CPEB1: variants seen among roughly 807,000 people sequenced by gnomAD.
The protein encoded by CPEB1 is cytoplasmic polyadenylation element binding protein 1.
Under a neutral mutation model 65.8 loss-of-function variants are expected in CPEB1, and 7 were observed. That is an observed-to-expected ratio of 0.11 (90% CI 0.06 to 0.20). CPEB1 has a LOEUF of 0.20. CPEB1 is among the 10% of genes least tolerant of loss of function. CPEB1 has a pLI of 1.00. For missense variants in CPEB1, 551 were observed against 712.2 expected (o/e 0.77, Z 2.58); for synonymous variants, 262 against 260.0 (o/e 1.01, Z -0.08).
chr15:82,557,667 G>T, intron 5 of CPEB1, 93 bp downstream of exon 5: 5 of 1,044,738 alleles, frequency 4.8e-6, no homozygotes, highest in South Asian at 4.4e-5. Flanking sequence ...CATTCCAGGG[G>T]ACAGGCATCC....
chr15:82,558,104 G>GCC, intron 4 of CPEB1, 118 bp from the exon 5 acceptor site: 1 of 680,728 alleles, frequency 1.5e-6, no homozygotes, highest in Non-Finnish European at 2.5e-6. Flanking sequence ...CTAAAAGCAT[G>GCC]CCAGCAAAAC....
intron 3 of CPEB1, among the ~76,000 whole-genome samples, chr15:82,609,517 T>C (rs755322321): frequency 1.1e-4 from 16 of 146,804 alleles, no homozygotes; most frequent in Non-Finnish European, 2.3e-4. Context: ...AAAAAAATAA[T>C]AACAATAGTA....
At chr15:82,551,224 C>G (rs993044173) in intron 9 of CPEB1, among the ~76,000 whole-genome samples, 1 of 152,148 alleles carries the variant, frequency 6.6e-6, no homozygotes, top group Non-Finnish European at 1.5e-5. Context: ...TCTAATGTGA[C>G]CATCCCAATA....
intron 3 of CPEB1, among the ~76,000 whole-genome samples, chr15:82,580,502 C>A: frequency 6.6e-6 from 1 of 152,130 alleles, no homozygotes; most frequent in South Asian, 2.1e-4. Context: ...GTACCCTGTA[C>A]TAAAAATTTT....
intron 10 of CPEB1, among the ~76,000 whole-genome samples, 159 bp from the exon 11 acceptor site, chr15:82,547,396 A>C (rs956670185): frequency 7.2e-6 from 1 of 138,692 alleles, no homozygotes; most frequent in African/African-American, 2.8e-5. Flanking sequence ...TCCCGGTTTC[A>C]CGCCATTCTC....
chr15:82,554,917 G>A (rs141903711), intron 6 of CPEB1, among the ~76,000 whole-genome samples: 2,687 of 152,296 alleles, frequency 0.018, 31 homozygotes, highest in Non-Finnish European at 0.025. Flanking sequence ...GGAAAACAAT[G>A]GCACCAGAGA....
At chr15:82,625,388 C>T (rs2045671215) in intron 3 of CPEB1, among the ~76,000 whole-genome samples, 1 of 152,090 alleles carries the variant, frequency 6.6e-6, no homozygotes, top group African/African-American at 2.4e-5. Context: ...TATGCCTCTC[C>T]CTCAAACATT....
In CPEB1 at chr15:82,543,277, C is replaced by G. The variant is rs1364821666; in HGVS notation, c.*1315G>C. 6.6e-6 allele frequency: 1 copy of G among 152,504 alleles called. No individual in the cohort carries two copies. Among genetic ancestry groups the G allele is most frequent in the Non-Finnish European group, 1.5e-5 (1 of 68,008 alleles). The allele number at this position is 152,504 out of a possible 1,614,324, so 9.4% of individuals were successfully genotyped here. A position where few individuals can be genotyped will look rare whatever the true frequency, so the allele number is the denominator to read the frequency against. On this transcript the variant is annotated 3_prime_UTR_variant, in exon 13 of 13. Coordinates refer to ENST00000684509, the MANE Select transcript of CPEB1 (RefSeq NM_001365242.1). ...CCACACATCTGTAGGAGAGTGCAGT[C>G]TTGCCTGCATATACTACAATGAGGT... is the stretch of plus-strand genomic sequence containing the variant.
intron 3 of CPEB1, among the ~76,000 whole-genome samples, chr15:82,602,149 G>A (rs1259176): frequency 0.24 from 36,925 of 152,062 alleles, 4,750 homozygotes; most frequent in South Asian, 0.42. Flanking sequence ...CTAAAATTAT[G>A]TTAGAGGATG....
At chr15:82,595,372 CA>C (rs2042592102) in intron 3 of CPEB1, among the ~76,000 whole-genome samples, 1 of 152,178 alleles carries the variant, frequency 6.6e-6, no homozygotes, top group South Asian at 2.1e-4. Flanking sequence ...GAGTAACCGC[CA>C]AATTGTTTTC....
At chr15:82,628,984 A>G (rs2046009350) in intron 1 of CPEB1, 1 of 158,784 alleles carries the variant, frequency 6.3e-6, no homozygotes, top group African/African-American at 2.4e-5. Context: ...TGGGGGAGTC[A>G]AAGTTATACA....
chr15:82,569,005 C>A (rs902638853), intron 4 of CPEB1, among the ~76,000 whole-genome samples: 7 of 152,198 alleles, frequency 4.6e-5, no homozygotes, highest in Non-Finnish European at 1.0e-4. Context: ...TTGGTCTCTA[C>A]ACAGAGACAA....
chr15:82,546,622 G>C (rs577733442), intron 11 of CPEB1, 101 bp from the exon 12 acceptor site: 13 of 852,046 alleles, frequency 1.5e-5, no homozygotes, highest in Non-Finnish European at 2.4e-5. Context: ...CAGGAATGCG[G>C]GATATTGGAA....
At chr15:82,581,268 G>A (rs1327400158) in intron 3 of CPEB1, among the ~76,000 whole-genome samples, 1 of 152,148 alleles carries the variant, frequency 6.6e-6, no homozygotes, top group Non-Finnish European at 1.5e-5. Context: ...GTGCACTACT[G>A]TGCTAGGTTT....
At chr15:82,629,962 C>T in intron 1 of CPEB1, 2 of 985,388 alleles carry the variant, frequency 2.0e-6, no homozygotes, top group Non-Finnish European at 2.4e-6. Context: ...CACAATCCTA[C>T]AAGGTTGTTT....
chr15:82,618,658 T>C (rs1420677188), intron 3 of CPEB1, among the ~76,000 whole-genome samples: 4 of 152,108 alleles, frequency 2.6e-5, no homozygotes, highest in South Asian at 2.1e-4. Flanking sequence ...CAACACTAGA[T>C]AGGGCTGTCA....
At chr15:82,611,784 T>A (rs2044176015) in intron 3 of CPEB1, among the ~76,000 whole-genome samples, 1 of 141,880 alleles carries the variant, frequency 7.0e-6, no homozygotes, top group African/African-American at 2.7e-5. Flanking sequence ...AAACACACAG[T>A]AAATCAAACC....
At chr15:82,585,989 CTT>C (rs2041767546) in intron 3 of CPEB1, among the ~76,000 whole-genome samples, 1 of 151,868 alleles carries the variant, frequency 6.6e-6, no homozygotes, top group Non-Finnish European at 1.5e-5. Flanking sequence ...AGTTACAGCT[CTT>C]GTCTTTTTGG....
At chr15:82,571,652 G>A (rs1737558088) in intron 3 of CPEB1, 120 bp from the exon 4 acceptor site, 2 of 1,460,320 alleles carry the variant, frequency 1.4e-6, no homozygotes, top group Admixed American at 2.7e-5. Context: ...CATCCAAGCT[G>A]GCTGGATGCT....
Sources: allele counts gnomAD v4.1 joint callset (sites outside exome capture counted in the v4.1 genomes callset), GRCh38; gene constraint gnomAD v4.1.1; transcripts MANE v1.5; gene names NCBI Gene and HGNC (gene_info 2026-07-23, HGNC 2026-07-21).